Variants in CNTNAP2 observed in about 807,000 individuals in gnomAD.
The protein encoded by CNTNAP2 is contactin associated protein 2, also known as contactin-associated protein-like 2.
CNTNAP2 carries 98 observed loss-of-function variants against 155.2 expected under a neutral mutation model. That is an observed-to-expected ratio of 0.63 (90% CI 0.54 to 0.75). The LOEUF is 0.75. Ranked by LOEUF, CNTNAP2 falls within the 30% of genes least tolerant of loss-of-function variation. CNTNAP2 has a pLI of 0.00. For missense variants in CNTNAP2, 1,727 were observed against 1,688.1 expected (o/e 1.02, Z -0.40); for synonymous variants, 651 against 631.2 (o/e 1.03, Z -0.47).
chr7:146,520,885 G>C (rs1797608517), intron 1 of CNTNAP2, among the ~76,000 whole-genome samples: 2 of 151,928 alleles, frequency 1.3e-5, no homozygotes, highest in Admixed American at 1.3e-4. Context: ...GAGCTCCGCA[G>C]TTTTTGTGCA....
At chr7:147,446,656 A>C (rs762996312) in intron 10 of CNTNAP2, among the ~76,000 whole-genome samples, 1 of 152,248 alleles carries the variant, frequency 6.6e-6, no homozygotes, top group African/African-American at 2.4e-5. Flanking sequence ...GACTGTTTAC[A>C]TTATTGAATT....
At chr7:146,758,590 A>G (rs557136715) in intron 1 of CNTNAP2, among the ~76,000 whole-genome samples, 166 of 152,306 alleles carry the variant, frequency 1.1e-3, no homozygotes, top group African/African-American at 3.7e-3. Context: ...CACATCTCAC[A>G]TGGTGGCAGG....
At chr7:146,879,936 T>C (rs192897940) in intron 3 of CNTNAP2, among the ~76,000 whole-genome samples, 8 of 151,988 alleles carry the variant, frequency 5.3e-5, no homozygotes, top group Admixed American at 2.6e-4. Context: ...TCTTACATGG[T>C]GGCAGACAAG....
At chr7:146,336,819 T>C (rs1296660873) in intron 1 of CNTNAP2, among the ~76,000 whole-genome samples, 1 of 152,190 alleles carries the variant, frequency 6.6e-6, no homozygotes, top group Non-Finnish European at 1.5e-5. Flanking sequence ...CTTGGATGGA[T>C]CTCAAGGGCA....
intron 1 of CNTNAP2, among the ~76,000 whole-genome samples, chr7:146,425,105 C>A (rs1796069727): frequency 6.6e-6 from 1 of 152,092 alleles, no homozygotes; most frequent in Admixed American, 6.5e-5. Context: ...AACAAACTAA[C>A]AAACAAGAAA....
intron 10 of CNTNAP2, among the ~76,000 whole-genome samples, chr7:147,467,586 C>A (rs1225214441): frequency 6.6e-6 from 1 of 152,120 alleles, no homozygotes; most frequent in Non-Finnish European, 1.5e-5. Context: ...CAATGCTCAC[C>A]ATTTGGGCGA....
intron 1 of CNTNAP2, among the ~76,000 whole-genome samples, chr7:146,748,257 C>T (rs1166179660): frequency 4.0e-5 from 6 of 150,940 alleles, no homozygotes; most frequent in South Asian, 4.2e-4. Flanking sequence ...GCCATTCTCC[C>T]GCCTCAGCCT....
intron 15 of CNTNAP2, among the ~76,000 whole-genome samples, chr7:148,112,498 G>T (rs553849761): frequency 2.0e-5 from 3 of 151,748 alleles, no homozygotes; most frequent in African/African-American, 7.3e-5. Flanking sequence ...ACAATTCACT[G>T]CAACCTCGAA....
intron 14 of CNTNAP2, among the ~76,000 whole-genome samples, chr7:147,962,980 A>C (rs1256357643): frequency 6.6e-6 from 1 of 152,158 alleles, no homozygotes; most frequent in Non-Finnish European, 1.5e-5. Flanking sequence ...AAAATGTGAC[A>C]ATAAGATATA....
At chr7:146,751,079 G>T (rs1308458190) in intron 1 of CNTNAP2, among the ~76,000 whole-genome samples, 1 of 152,076 alleles carries the variant, frequency 6.6e-6, no homozygotes, top group African/African-American at 2.4e-5. Flanking sequence ...TGGTGTTTGG[G>T]TTATACATGT....
intron 14 of CNTNAP2, among the ~76,000 whole-genome samples, chr7:147,955,518 G>C (rs1032309574): frequency 6.6e-6 from 1 of 152,078 alleles, no homozygotes; most frequent in African/African-American, 2.4e-5. Context: ...AAATTATTTG[G>C]TCCAATAGTT....
At chr7:148,219,928 C>G (rs1461056944) in intron 19 of CNTNAP2, among the ~76,000 whole-genome samples, 1 of 152,152 alleles carries the variant, frequency 6.6e-6, no homozygotes, top group Admixed American at 6.5e-5. Context: ...TTATTACTAA[C>G]TTAATTCAGC....
intron 13 of CNTNAP2, among the ~76,000 whole-genome samples, chr7:147,738,063 C>T (rs186576724): frequency 2.6e-5 from 4 of 152,240 alleles, no homozygotes; most frequent in South Asian, 2.1e-4. Flanking sequence ...GAGATGAACC[C>T]AGTACCTCAG....
intron 4 of CNTNAP2, among the ~76,000 whole-genome samples, chr7:147,102,611 T>C (rs933710787): frequency 6.6e-6 from 1 of 152,096 alleles, no homozygotes; most frequent in Admixed American, 6.6e-5. Flanking sequence ...AGCCTTGAGG[T>C]TTTTTGTTTT....
intron 18 of CNTNAP2, among the ~76,000 whole-genome samples, chr7:148,196,506 T>C (rs1165259630): frequency 6.6e-6 from 1 of 152,102 alleles, no homozygotes; most frequent in Non-Finnish European, 1.5e-5. Flanking sequence ...GAATAGTAAC[T>C]GGCAGGCTTA....
intron 13 of CNTNAP2, among the ~76,000 whole-genome samples, chr7:147,737,172 T>C (rs1399600076): frequency 6.6e-6 from 1 of 152,174 alleles, no homozygotes; most frequent in Non-Finnish European, 1.5e-5. Flanking sequence ...CTTTGGTGTT[T>C]GATGATGGTG....
At chr7:146,925,663 C>A (rs116386244) in intron 3 of CNTNAP2, among the ~76,000 whole-genome samples, 1,535 of 152,178 alleles carry the variant, frequency 0.01, 24 homozygotes, top group African/African-American at 0.035. Context: ...GGTCTCAGAG[C>A]AAATAACATT....
intron 15 of CNTNAP2, among the ~76,000 whole-genome samples, chr7:148,027,462 C>T (rs1419448082): frequency 1.3e-5 from 2 of 152,184 alleles, no homozygotes; most frequent in Non-Finnish European, 2.9e-5. Context: ...TTAAGGCAGA[C>T]ATCCAGGATG....
At chr7:147,660,741 G>A (rs567872676) in intron 13 of CNTNAP2, among the ~76,000 whole-genome samples, 84 of 152,188 alleles carry the variant, frequency 5.5e-4, no homozygotes, top group African/African-American at 2.0e-3. Context: ...TAAAGACAAG[G>A]CCTATTAAAG....
Sources: allele counts gnomAD v4.1 joint callset (sites outside exome capture counted in the v4.1 genomes callset), GRCh38; gene constraint gnomAD v4.1.1; transcripts MANE v1.5; gene names NCBI Gene and HGNC (gene_info 2026-07-23, HGNC 2026-07-21).